The following ZBTB7C variants were observed in gnomAD, a reference collection of about 807,000 sequenced individuals.
The protein encoded by ZBTB7C is zinc finger and BTB domain containing 7C, also known as zinc finger and BTB domain-containing protein 7C.
Under a neutral mutation model 25.7 loss-of-function variants are expected in ZBTB7C, and 8 were observed. That is an observed-to-expected ratio of 0.31 (90% CI 0.18 to 0.56). ZBTB7C has a LOEUF of 0.56. Among genes scored for constraint, ZBTB7C ranks in the 20% least tolerant of loss-of-function variants. The probability of loss-of-function intolerance (pLI) is 0.91; values close to 1 mark genes in which losing one functional copy is unlikely to be tolerated. For missense variants in ZBTB7C, 824 were observed against 855.2 expected (o/e 0.96, Z 0.46); for synonymous variants, 394 against 369.0 (o/e 1.07, Z -0.78).
chr18:48,039,863 G>A, intron 4 of ZBTB7C, 37 bp downstream of exon 4: 1 of 1,599,232 alleles, frequency 6.3e-7, no homozygotes, highest in South Asian at 1.1e-5. Context: ...CATGGCCTCT[G>A]GCCCCGTGCC....
At chr18:48,270,094 G>T (rs765246523) in intron 2 of ZBTB7C, among the ~76,000 whole-genome samples, 3 of 151,596 alleles carry the variant, frequency 2.0e-5, no homozygotes, top group Non-Finnish European at 4.4e-5. Context: ...GAGAGAGAAG[G>T]AATAAATATA....
intron 2 of ZBTB7C, among the ~76,000 whole-genome samples, chr18:48,225,070 G>A (rs17744066): frequency 0.27 from 41,374 of 152,108 alleles, 5,995 homozygotes; most frequent in South Asian, 0.4. Flanking sequence ...AGGTAATCCA[G>A]GTGGCTTGGC....
At chr18:48,366,495 T>C (rs532363924) in intron 1 of ZBTB7C, among the ~76,000 whole-genome samples, 8 of 152,116 alleles carry the variant, frequency 5.3e-5, no homozygotes, top group African/African-American at 1.9e-4. Flanking sequence ...AGCCAAAAGA[T>C]AAATGACAAA....
At chr18:48,151,378 A>G (rs1166925065) in intron 3 of ZBTB7C, among the ~76,000 whole-genome samples, 4 of 152,116 alleles carry the variant, frequency 2.6e-5, no homozygotes, top group African/African-American at 9.7e-5. Context: ...GCCTTAGATG[A>G]GATTCTTAGA....
rs66586994 is a variant in ZBTB7C at position 48,290,131 on chromosome 18, C to T, written c.-79+48043G>A. 4.3e-4 allele frequency among the ~76,000 whole-genome samples: 65 copies of T among 152,220 alleles called. 1 individual carries two copies. The highest frequency in any genetic ancestry group is 1.4e-3 in the African/African-American group (58 of 41,502). On this transcript the variant is annotated intron_variant, in intron 2 of 4. Coordinates refer to ENST00000590800, the MANE Select transcript of ZBTB7C (RefSeq NM_001318841.2). ...TTCAGAGCATTTAGCACCTCGTACA[C>T]GCTCAATAAATGATAGCTACTGATA...
intron 3 of ZBTB7C, among the ~76,000 whole-genome samples, chr18:48,146,610 T>C (rs559828149): frequency 5.1e-4 from 78 of 152,358 alleles, no homozygotes; most frequent in Non-Finnish European, 9.8e-4. Context: ...CTTCACACTC[T>C]AAACGAAATC....
intron 3 of ZBTB7C, among the ~76,000 whole-genome samples, chr18:48,049,788 T>C (rs986370193): frequency 6.6e-6 from 1 of 152,130 alleles, no homozygotes; most frequent in Non-Finnish European, 1.5e-5. Flanking sequence ...AATAGAACTG[T>C]TGGTGCAATT....
intron 1 of ZBTB7C, among the ~76,000 whole-genome samples, chr18:48,340,037 T>C (rs954263250): frequency 2.0e-5 from 3 of 152,350 alleles, no homozygotes; most frequent in Admixed American, 1.3e-4. Flanking sequence ...AAGGCACATA[T>C]ACATTTCATA....
At chr18:48,140,409 CTG>C (rs1228662757) in intron 3 of ZBTB7C, among the ~76,000 whole-genome samples, 2 of 152,208 alleles carry the variant, frequency 1.3e-5, no homozygotes, top group Non-Finnish European at 2.9e-5. Context: ...GATAAGGAAA[CTG>C]GAGCTCAGAG....
chr18:48,327,704 G>A (rs1256300391), intron 2 of ZBTB7C, among the ~76,000 whole-genome samples: 1 of 152,166 alleles, frequency 6.6e-6, no homozygotes, highest in African/African-American at 2.4e-5. Context: ...GGCTTCAGCT[G>A]TGCAAACATG....
At chr18:48,286,780 G>A (rs112082363) in intron 2 of ZBTB7C, among the ~76,000 whole-genome samples, 423 of 152,166 alleles carry the variant, frequency 2.8e-3, no homozygotes, top group Middle Eastern at 0.024. Context: ...GGCCAGGCAC[G>A]GTGGCTCATG....
intron 3 of ZBTB7C, among the ~76,000 whole-genome samples, chr18:48,122,673 G>A (rs1243107467): frequency 6.6e-6 from 1 of 152,144 alleles, no homozygotes; most frequent in Non-Finnish European, 1.5e-5. Flanking sequence ...AAAATGCAAG[G>A]GTTGGAGTTC....
At chr18:48,325,726 T>C (rs2046202248) in intron 2 of ZBTB7C, among the ~76,000 whole-genome samples, 1 of 152,196 alleles carries the variant, frequency 6.6e-6, no homozygotes, top group African/African-American at 2.4e-5. Context: ...ATTTGGTTGC[T>C]TGTAGAACCA....
chr18:48,040,613 A>G lies in ZBTB7C; in HGVS notation c.495T>C (p.Asp165=), dbSNP rs754856390. Residue 165 remains aspartate (D), a synonymous_variant, in exon 4 of 5, where the codon GAT becomes GAC. Coordinates refer to ENST00000590800, the MANE Select transcript of ZBTB7C (RefSeq NM_001318841.2). ...EEEEEEEEDD[D]DDTEDFADQE... ...GGTCAGCAAAGTCCTCCGTGTCATC[A>G]TCGTCATCCTCCTCCTCTTCCTCCT... 5.6e-6 allele frequency: 9 copies of G among 1,613,476 alleles called. No homozygotes were observed. Among genetic ancestry groups the G allele is most frequent in the Admixed American group, 1.7e-5 (1 of 59,978 alleles).
intron 1 of ZBTB7C, among the ~76,000 whole-genome samples, chr18:48,353,514 G>T (rs929611573): frequency 6.6e-6 from 1 of 152,162 alleles, no homozygotes. Context: ...CTGAGGACAA[G>T]AAACCAGGCT....
At chr18:48,035,207 C>T (rs752966653) in intron 4 of ZBTB7C, among the ~76,000 whole-genome samples, 2 of 152,240 alleles carry the variant, frequency 1.3e-5, no homozygotes, top group Admixed American at 6.5e-5. Context: ...AAAGGCACAG[C>T]CTTCGGGGTT....
At chr18:48,136,846 C>T (rs1042405226) in intron 3 of ZBTB7C, among the ~76,000 whole-genome samples, 2 of 152,160 alleles carry the variant, frequency 1.3e-5, no homozygotes, top group Admixed American at 6.5e-5. Flanking sequence ...CCGCGGCCAC[C>T]CGGCCACAGG....
At chr18:48,125,731 C>T (rs938180427) in intron 3 of ZBTB7C, among the ~76,000 whole-genome samples, 1 of 152,192 alleles carries the variant, frequency 6.6e-6, no homozygotes, top group Non-Finnish European at 1.5e-5. Flanking sequence ...CATTGTCTGC[C>T]TTGCCCCTCA....
intron 2 of ZBTB7C, among the ~76,000 whole-genome samples, chr18:48,334,986 C>CT (rs912336197): frequency 5.4e-4 from 82 of 152,312 alleles, no homozygotes; most frequent in African/African-American, 1.9e-3. Flanking sequence ...CCTGGGCACT[C>CT]TAGCTTCCCC....
Sources: gnomAD v4.1 joint callset for allele counts (sites outside exome capture counted in the v4.1 genomes callset) on GRCh38, gnomAD v4.1.1 for gene constraint, MANE v1.5 for transcripts, NCBI Gene and HGNC (gene_info 2026-07-23, HGNC 2026-07-21) for gene names.